The following MYO16 variants were observed in gnomAD, a reference collection of about 807,000 sequenced individuals.
MYO16 encodes myosin XVI.
A neutral mutation model predicts 205.3 loss-of-function variants in MYO16; 94 were observed. The ratio of observed to expected loss-of-function variants is 0.46; its 90% CI spans 0.39 to 0.54. The LOEUF is 0.54. MYO16 is among the 20% of genes least tolerant of loss of function. MYO16 has a pLI of 0.00. For synonymous variants in MYO16, 988 were observed against 954.0 expected, an observed-to-expected ratio of 1.04 and a Z score of -0.66; for missense variants, 2,315 against 2,387.5, an observed-to-expected ratio of 0.97 and a Z score of 0.63.
At chr13:108,886,748 G>A (rs888173092) in intron 13 of MYO16, among the ~76,000 whole-genome samples, 3 of 151,844 alleles carry the variant, frequency 2.0e-5, no homozygotes, top group Admixed American at 1.3e-4. Context: ...AACATCTGAC[G>A]TAAGCACTCG....
chr13:109,022,648 C>G (rs1886108449), intron 23 of MYO16, among the ~76,000 whole-genome samples: 2 of 124,922 alleles, frequency 1.6e-5, no homozygotes, highest in Non-Finnish European at 3.1e-5. Flanking sequence ...TGCATATAAA[C>G]ATATGTATAT....
chr13:108,831,748 G>T (rs1451869109), intron 9 of MYO16, among the ~76,000 whole-genome samples: 1 of 152,188 alleles, frequency 6.6e-6, no homozygotes, highest in Non-Finnish European at 1.5e-5. Context: ...CCTGACCTCA[G>T]GTCATCCACC....
intron 16 of MYO16, among the ~76,000 whole-genome samples, chr13:108,913,165 C>A (rs80126069): frequency 0.034 from 5,160 of 152,190 alleles, 260 homozygotes; most frequent in East Asian, 0.17. Context: ...TTGGACAAAG[C>A]AGTTATTTTA....
chr13:108,817,619 C>T (rs951793106), intron 7 of MYO16, among the ~76,000 whole-genome samples: 8 of 151,998 alleles, frequency 5.3e-5, no homozygotes, highest in African/African-American at 1.2e-4. Context: ...TATAACTGTG[C>T]GCTTATTAGT....
chr13:108,965,285 G>A (rs80297785), intron 20 of MYO16, among the ~76,000 whole-genome samples: 1,766 of 152,168 alleles, frequency 0.012, 38 homozygotes, highest in African/African-American at 0.041. Context: ...TGCCTCCTTC[G>A]GAACCTATTT....
intron 15 of MYO16, among the ~76,000 whole-genome samples, chr13:108,900,463 G>A (rs574987631): frequency 1.9e-4 from 29 of 152,326 alleles, no homozygotes; most frequent in Non-Finnish European, 3.8e-4. Flanking sequence ...TGAAGCCATG[G>A]TGGAAGAACA....
At chr13:108,722,736 C>T (rs1293225252) in intron 3 of MYO16, among the ~76,000 whole-genome samples, 2 of 152,022 alleles carry the variant, frequency 1.3e-5, no homozygotes, top group Admixed American at 6.6e-5. Context: ...GAAGTAGATC[C>T]GGGCCTCACA....
intron 3 of MYO16, among the ~76,000 whole-genome samples, chr13:108,721,806 G>A (rs185462): frequency 1 from 151,571 of 152,302 alleles, 75,424 homozygotes; most frequent in Non-Finnish European, 1. Context: ...TTTCAGAGAG[G>A]CTGACTTCCA....
At chr13:108,894,888 A>G (rs991232736) in intron 14 of MYO16, among the ~76,000 whole-genome samples, 2 of 152,174 alleles carry the variant, frequency 1.3e-5, no homozygotes, top group African/African-American at 2.4e-5. Context: ...GAAGCAGGGC[A>G]TTTTCCATGA....
chr13:109,065,708 C>A, intron 27 of MYO16: 1 of 349,326 alleles, frequency 2.9e-6, no homozygotes, highest in Admixed American at 4.0e-5. Context: ...AATTGTGGTC[C>A]TATGGCTCTC....
At chr13:108,661,120 T>G (rs1881482670) in intron 1 of MYO16, among the ~76,000 whole-genome samples, 1 of 152,176 alleles carries the variant, frequency 6.6e-6, no homozygotes, top group Non-Finnish European at 1.5e-5. Flanking sequence ...CCCCAAGCCC[T>G]TGTAGCTTGT....
At chr13:109,003,323 T>C (rs1322406944) in intron 21 of MYO16, among the ~76,000 whole-genome samples, 3 of 152,166 alleles carry the variant, frequency 2.0e-5, no homozygotes, top group African/African-American at 7.2e-5. Flanking sequence ...TAAAATTTTT[T>C]CCCCCAGAAC....
intron 2 of MYO16, among the ~76,000 whole-genome samples, chr13:108,710,096 T>TA (rs1883661665): frequency 6.6e-6 from 1 of 152,120 alleles, no homozygotes; most frequent in Non-Finnish European, 1.5e-5. Flanking sequence ...CTGTGCAATG[T>TA]TCTTTATGAG....
At chr13:108,536,722 CT>C in the MYO16 span, among the ~76,000 whole-genome samples, 1 of 152,044 alleles carries the variant, frequency 6.6e-6, no homozygotes, top group Non-Finnish European at 1.5e-5. Flanking sequence ...GAAGACTTTT[CT>C]TATTTCTCAC....
chr13:108,589,958 T>A, the MYO16 span, among the ~76,000 whole-genome samples: 1 of 152,236 alleles, frequency 6.6e-6, no homozygotes, highest in African/African-American at 2.4e-5. Context: ...TCAGTTTAAT[T>A]CTTTCATATG....
chr13:108,581,867 G>A, the MYO16 span, among the ~76,000 whole-genome samples: 3 of 132,884 alleles, frequency 2.3e-5, no homozygotes, highest in African/African-American at 2.9e-5. Flanking sequence ...CAACAGAAGC[G>A]AAACGCTGTC....
intron 6 of MYO16, among the ~76,000 whole-genome samples, chr13:108,799,817 G>T (rs764085005): frequency 6.6e-6 from 1 of 152,022 alleles, no homozygotes; most frequent in Non-Finnish European, 1.5e-5. Context: ...TTTCCTCTTG[G>T]CGCTTTTCTT....
intron 10 of MYO16, among the ~76,000 whole-genome samples, chr13:108,853,596 ATTT>A (rs35080410): frequency 8.4e-5 from 11 of 130,252 alleles, no homozygotes; most frequent in East Asian, 2.3e-4. Context: ...TGAGATCTAG[ATTT>A]TTTTTTTTTT....
rs576957955 is a variant in MYO16 at position 108,755,998 on chromosome 13, A to C, written c.507+28415A>C. 1.6e-3 allele frequency among the ~76,000 whole-genome samples: 243 copies of C among 152,300 alleles called. 1 individual carries two copies. Among genetic ancestry groups the C allele is most frequent in the Non-Finnish European group, 2.2e-3 (149 of 68,028 alleles). On this transcript the variant is annotated intron_variant, in intron 4 of 34. Transcript: ENST00000457511. ...TGGCACAAAACTTAGCATTATAGTC[A>C]CAGTCCTTTACAAGGAAAATTGTCT...
Sources: allele counts gnomAD v4.1 joint callset (sites outside exome capture counted in the v4.1 genomes callset), GRCh38; gene constraint gnomAD v4.1.1; transcripts MANE v1.5; gene names NCBI Gene and HGNC (gene_info 2026-07-23, HGNC 2026-07-21).